The following MUSK variants were observed in gnomAD, a reference collection of about 807,000 sequenced individuals.
MUSK encodes the protein muscle, skeletal receptor tyrosine-protein kinase.
A neutral mutation model predicts 88.7 loss-of-function variants in MUSK; 55 were observed. The ratio of observed to expected loss-of-function variants is 0.62; its 90% confidence interval spans 0.50 to 0.78. The LOEUF (loss-of-function observed/expected upper bound fraction) is 0.78, where lower values mean the gene tolerates loss of function less well. MUSK is among the 30% of genes least tolerant of loss of function. MUSK has a pLI of 0.00. For missense variants in MUSK, 1,015 were observed against 1,074.3 expected, an observed-to-expected ratio of 0.94 and a Z score of 0.77; for synonymous variants, 387 against 391.9, an observed-to-expected ratio of 0.99 and a Z score of 0.15.
At chr9:110,728,657 T>C (rs1195674480) in intron 5 of MUSK, 1 of 1,404,978 alleles carries the variant, frequency 7.1e-7, no homozygotes, top group South Asian at 1.2e-5. Context: ...GTTTATTGTG[T>C]GTGTTTGTTT....
At chr9:110,707,499 T>A (rs7041176) in intron 5 of MUSK, among the ~76,000 whole-genome samples, 138,151 of 152,288 alleles carry the variant, frequency 0.91, 63,066 homozygotes, top group African/African-American at 0.97. Context: ...CTGAATGTAG[T>A]GTACTTGAGA....
chr9:110,785,716 A>G lies in MUSK; in HGVS notation c.1776A>G (p.Ala592=). The G allele has an allele frequency of 2.5e-6, 4 of 1,593,676 alleles. No homozygotes were observed. Among genetic ancestry groups the G allele is most frequent in the Non-Finnish European group, 3.4e-6 (4 of 1,168,752 alleles). Reference sequence around the variant, plus strand: ...GAGCGTTTGGAAGGGTGTTTCAAGCAAGGTAAAGTTACCTATGGAAAAAAA... The same window carrying G: ...GAGCGTTTGGAAGGGTGTTTCAAGCGAGGTAAAGTTACCTATGGAAAAAAA... The part of the protein sequence containing the change: ...GEGAFGRVFQ[A]RAPGLLPYEP... The change falls in exon 13 of 15, where the codon GCA becomes GCG. Residue 592 remains alanine, a splice_region_variant and synonymous_variant. Coordinates refer to ENST00000374448, the MANE Select transcript of MUSK (RefSeq NM_005592.4).
chr9:110,768,934 A>G (rs892591795), intron 9 of MUSK, among the ~76,000 whole-genome samples: 3 of 152,188 alleles, frequency 2.0e-5, no homozygotes, highest in Admixed American at 6.5e-5. Context: ...GTTCAATAGA[A>G]TTATCTTCAT....
rs2077827125 is a variant in MUSK at position 110,784,884 on chromosome 9, C to T, written c.1454C>T (p.Ser485Phe). ...IPNLPSSSSS[S>F]FSVSPTYSMT... is the part of the protein sequence containing the mutation. ...AATCTGCCTTCCTCCTCCTCTTCTT[C>T]CTTCTCTGTCTCACCTACATACTCC... Residue 485 changes from serine (S) to phenylalanine (F), a missense_variant, in exon 12 of 15, where the codon TCC becomes TTC. Physicochemically the swap from Ser to Phe is radical, Grantham distance 155 (BLOSUM62 -2). Coordinates refer to ENST00000374448, the MANE Select transcript of MUSK (RefSeq NM_005592.4). 1 of 1,613,794 alleles carries T rather than the reference C, an allele frequency of 6.2e-7. No homozygotes were observed. The highest frequency in any genetic ancestry group is 8.5e-7 in the Non-Finnish European group (1 of 1,179,832).
At chr9:110,693,223 C>T (rs888194457) in intron 3 of MUSK, among the ~76,000 whole-genome samples, 2 of 152,122 alleles carry the variant, frequency 1.3e-5, no homozygotes, top group Non-Finnish European at 2.9e-5. Flanking sequence ...CTCTCTGGCC[C>T]AATTGTTCTT....
intron 1 of MUSK, among the ~76,000 whole-genome samples, chr9:110,676,711 C>T (rs2076035232): frequency 6.6e-6 from 1 of 151,544 alleles, no homozygotes; most frequent in South Asian, 2.1e-4. Flanking sequence ...TATCCATGTC[C>T]CTGCAAAGGA....
At chr9:110,696,390 A>G (rs1460030763) in intron 4 of MUSK, among the ~76,000 whole-genome samples, 2 of 152,164 alleles carry the variant, frequency 1.3e-5, no homozygotes, top group Non-Finnish European at 2.9e-5. Context: ...CCATCTTTAT[A>G]TCACCTAAAA....
intron 5 of MUSK, among the ~76,000 whole-genome samples, chr9:110,699,349 C>A (rs527533517): frequency 1.3e-5 from 2 of 152,138 alleles, no homozygotes; most frequent in African/African-American, 4.8e-5. Flanking sequence ...ATTTAGCACA[C>A]ATGCCTATTT....
rs139870822 is a variant in MUSK at position 110,755,977 on chromosome 9, TAC to T, written c.914-6223_914-6222del. Among the ~76,000 whole-genome samples, 118 of 63,438 alleles carry T rather than the reference TAC, an allele frequency of 1.9e-3. 1 individual carries two copies. Among genetic ancestry groups the T allele is most frequent in the African/African-American group, 3.4e-3 (66 of 19,552 alleles). 41.6% of individuals were successfully genotyped at this position (63,438 alleles called of 152,430 possible). On this transcript the variant is annotated intron_variant, in intron 7 of 14. Coordinates refer to ENST00000374448, the MANE Select transcript of MUSK (RefSeq NM_005592.4). ...ACATATATATATACATATATATATATACATATATATATATATATATGAATTTA... is the reference window on the plus strand; with the variant it reads ...ACATATATATATACATATATATATATATATATATATATATATATGAATTTA...
chr9:110,702,705 C>A (rs890060018), intron 5 of MUSK, among the ~76,000 whole-genome samples: 4 of 151,788 alleles, frequency 2.6e-5, no homozygotes, highest in African/African-American at 9.7e-5. Context: ...CCAACCTGGG[C>A]GACATGGCAA....
intron 5 of MUSK, 52 bp from the exon 6 acceptor site, chr9:110,734,199 G>A: frequency 6.4e-7 from 1 of 1,565,156 alleles, no homozygotes; most frequent in Non-Finnish European, 8.7e-7. Context: ...GACCACCCTA[G>A]CTTGACCATT....
At chr9:110,734,517 C>A in intron 6 of MUSK, 142 bp downstream of exon 6, 1 of 1,086,556 alleles carries the variant, frequency 9.2e-7, no homozygotes, top group Non-Finnish European at 1.3e-6. Flanking sequence ...ATATCTTTGT[C>A]CTAGAAGCCA....
In MUSK at chr9:110,684,928, T is replaced by C. The variant is rs571633185; in HGVS notation, c.206+2128T>C. On this transcript the variant is annotated intron_variant, in intron 2 of 14. Transcript: ENST00000374448. ...ATCATTTGTAAACAAAGATAATTCT[T>C]CCCTTCCAATTTGGATGGCCCTTAA... Among the ~76,000 whole-genome samples, 434 of 152,204 alleles carry C rather than the reference T, an allele frequency of 2.9e-3. 1 individual carries two copies. Among genetic ancestry groups the C allele is most frequent in the Non-Finnish European group, 4.9e-3 (334 of 67,978 alleles).
intron 6 of MUSK, 50 bp from the exon 7 acceptor site, chr9:110,747,591 A>C (rs779993548): frequency 6.5e-7 from 1 of 1,533,088 alleles, no homozygotes; most frequent in Non-Finnish European, 9.0e-7. Context: ...CTGACATAGT[A>C]TAGTGGGAAA....
Position 110,775,830 on chromosome 9 carries a change from A to G in MUSK, c.1227A>G (p.Glu409=). The G allele has an allele frequency of 6.2e-7, 1 of 1,613,924 alleles. No homozygotes were observed. The highest frequency in any genetic ancestry group is 8.5e-7 in the Non-Finnish European group (1 of 1,179,834). ...LAVKELFCAK[E]WLVMEEKTHR... ...TAAAGGAGCTCTTCTGCGCAAAAGA[A>G]TGGCTGGTAATGGAAGAGAAGACCC... Residue 409 remains glutamate (E), a synonymous_variant, in exon 10 of 15, where the codon GAA becomes GAG. Transcript: ENST00000374448.
In MUSK at chr9:110,767,806, A is replaced by T. The variant is rs1336173323; in HGVS notation, c.921-14A>T. 3 of 1,613,846 alleles carry T rather than the reference A, an allele frequency of 1.9e-6. No homozygotes were observed. The highest frequency in any genetic ancestry group is 2.5e-6 in the Non-Finnish European group (3 of 1,179,856). ...TAGCATGTGATTAGAAATGTTGTTC[A>T]TTTCTTCTTTCAGTAAACCACAGAA... is the stretch of plus-strand genomic sequence containing the variant. On this transcript the variant is annotated splice_polypyrimidine_tract_variant and intron_variant, in intron 8 of 14. Transcript: ENST00000374448.
At chr9:110,769,884 G>T (rs1205919533) in intron 9 of MUSK, among the ~76,000 whole-genome samples, 5 of 152,038 alleles carry the variant, frequency 3.3e-5, no homozygotes, top group Admixed American at 6.6e-5. Context: ...ATGCTTGAGA[G>T]AAATAATAAT....
At chr9:110,758,535 C>A (rs947995783) in intron 7 of MUSK, among the ~76,000 whole-genome samples, 2 of 152,200 alleles carry the variant, frequency 1.3e-5, no homozygotes, top group Non-Finnish European at 2.9e-5. Context: ...ACTCTCACCA[C>A]TCCTATTCAA....
chr9:110,780,187 GCTT>G (rs2077729590), intron 11 of MUSK, among the ~76,000 whole-genome samples: 1 of 151,952 alleles, frequency 6.6e-6, no homozygotes, highest in Non-Finnish European at 1.5e-5. Flanking sequence ...TTACGTTTTT[GCTT>G]CTTCTTTTTC....
Sources: allele counts gnomAD v4.1 joint callset (sites outside exome capture counted in the v4.1 genomes callset), GRCh38; gene constraint gnomAD v4.1.1; transcripts MANE v1.5; gene names NCBI Gene and HGNC (gene_info 2026-07-23, HGNC 2026-07-21).